TUBA1C: variants seen among roughly 807,000 people sequenced by gnomAD.
The protein encoded by TUBA1C is tubulin alpha-1C chain.
TUBA1C carries 16 observed loss-of-function variants against 34.9 expected under a neutral mutation model. That is an observed-to-expected ratio of 0.46 (90% CI 0.31 to 0.70). TUBA1C has a LOEUF of 0.70. TUBA1C is among the 30% of genes least tolerant of loss of function. TUBA1C has a pLI of 0.05. For missense variants in TUBA1C, 329 were observed against 587.3 expected (o/e 0.56, Z 4.55); for synonymous variants, 177 against 215.9 (o/e 0.82, Z 1.58).
At chr12:49,270,933 C>T (rs1440659436) in intron 3 of TUBA1C, among the ~76,000 whole-genome samples, 6 of 152,084 alleles carry the variant, frequency 3.9e-5, no homozygotes, top group Admixed American at 2.6e-4. Flanking sequence ...GAGCCGAGAT[C>T]GTGCCACTGC....
intron 1 of TUBA1C, among the ~76,000 whole-genome samples, chr12:49,255,395 A>G (rs1942772460): frequency 7.0e-6 from 1 of 143,808 alleles, no homozygotes; most frequent in Non-Finnish European, 1.5e-5. Flanking sequence ...AGCTGAACTT[A>G]TCTTTAAAAA....
At chr12:49,237,312 G>A (rs563836211) in intron 1 of TUBA1C, among the ~76,000 whole-genome samples, 3 of 152,040 alleles carry the variant, frequency 2.0e-5, no homozygotes, top group Admixed American at 6.6e-5. Flanking sequence ...CCAGCTACTC[G>A]GGAGGCTGAG....
At chr12:49,246,879 C>T (rs1316965005) in intron 1 of TUBA1C, among the ~76,000 whole-genome samples, 2 of 152,092 alleles carry the variant, frequency 1.3e-5, no homozygotes, top group African/African-American at 2.4e-5. Context: ...CACAGTGGCT[C>T]ACAGTGACCC....
At chr12:49,252,396 T>G (rs1942739865) in intron 1 of TUBA1C, among the ~76,000 whole-genome samples, 2 of 152,216 alleles carry the variant, frequency 1.3e-5, no homozygotes, top group Non-Finnish European at 2.9e-5. Context: ...GTCATAATCT[T>G]AACTTTTTCA....
chr12:49,261,133 G>A (rs1342187401), upstream of TUBA1C, among the ~76,000 whole-genome samples: 2 of 152,056 alleles, frequency 1.3e-5, no homozygotes, highest in South Asian at 2.1e-4. Context: ...CAGATCACCT[G>A]AGGTCAGGAG....
chr12:49,251,108 G>A (rs140738989), intron 1 of TUBA1C, among the ~76,000 whole-genome samples: 24 of 152,278 alleles, frequency 1.6e-4, no homozygotes, highest in African/African-American at 4.3e-4. Flanking sequence ...TTGGGAGGCT[G>A]AGGTGGGACA....
At position 49,272,445 on chromosome 12, in the gene TUBA1C, A is replaced by G; in HGVS notation, c.568A>G (p.Thr190Ala). Reference sequence around the variant, plus strand: ...AGTTGAGCCCTACAACTCCATCCTCACCACCCACACCACCCTGGAGCACTC... The same window carrying G: ...AGTTGAGCCCTACAACTCCATCCTCGCCACCCACACCACCCTGGAGCACTC... ...AVVEPYNSILTTHTTLEHSDC... is the reference protein window; with the variant it reads ...AVVEPYNSILATHTTLEHSDC... Residue 190 changes from threonine to alanine, a missense_variant, in exon 4 of 4, where the codon ACC (threonine) becomes GCC (alanine). This residue lies in a region of TUBA1C where 3 missense variants were observed against 25.5 expected (regional missense o/e 0.12). Transcript: ENST00000301072. 1 of 1,612,782 alleles carries G rather than the reference A, an allele frequency of 6.2e-7. No homozygotes were observed. The highest frequency in any genetic ancestry group is 1.1e-5 in the South Asian group (1 of 90,988).
chr12:49,243,801 T>C (rs1249304468), intron 1 of TUBA1C, among the ~76,000 whole-genome samples: 1 of 151,778 alleles, frequency 6.6e-6, no homozygotes, highest in Non-Finnish European at 1.5e-5. Context: ...AAGGAAAGGG[T>C]ACATTTGGTG....
At chr12:49,251,331 A>G (rs1237495963) in intron 1 of TUBA1C, among the ~76,000 whole-genome samples, 7 of 152,248 alleles carry the variant, frequency 4.6e-5, no homozygotes, top group South Asian at 2.1e-4. Flanking sequence ...TATTTCAGAA[A>G]TTAGAGGAGG....
At chr12:49,229,816 G>A (rs1942477409) in intron 1 of TUBA1C, among the ~76,000 whole-genome samples, 1 of 150,590 alleles carries the variant, frequency 6.6e-6, no homozygotes, top group African/African-American at 2.4e-5. Flanking sequence ...TTTTTGAGAT[G>A]GAGTCTTGCT....
intron 1 of TUBA1C, among the ~76,000 whole-genome samples, chr12:49,255,654 G>C (rs1250578619): frequency 1.3e-5 from 2 of 152,038 alleles, no homozygotes; most frequent in Non-Finnish European, 2.9e-5. Context: ...CACCTCCCAG[G>C]TTCAAGCGAT....
chr12:49,229,480 TA>T (rs1942472762), intron 1 of TUBA1C, among the ~76,000 whole-genome samples: 1 of 152,152 alleles, frequency 6.6e-6, no homozygotes, highest in African/African-American at 2.4e-5. Context: ...GTCTATTTTT[TA>T]ACAGCATCAC....
Position 49,269,560 on chromosome 12 carries a change from T to C in TUBA1C, c.99T>C (p.Asp33=). ...GCCTGGAACACGGCATCCAGCCCGA[T>C]GGCCAGATGCCAAGTGACAAGACCA... ...LYCLEHGIQP[D]GQMPSDKTIG... is the part of the protein sequence containing the mutation. The change falls in exon 2 of 4, where the codon GAT becomes GAC. Residue 33 remains aspartate (D), a synonymous_variant. Coordinates refer to ENST00000301072, the MANE Select transcript of TUBA1C (RefSeq NM_032704.5). 3 of 1,614,240 alleles carry C rather than the reference T, an allele frequency of 1.9e-6. No homozygotes were observed. Among genetic ancestry groups the C allele is most frequent in the Non-Finnish European group, 2.5e-6 (3 of 1,180,040 alleles).
chr12:49,238,189 C>T (rs762486273), intron 1 of TUBA1C, among the ~76,000 whole-genome samples: 2 of 151,920 alleles, frequency 1.3e-5, no homozygotes, highest in African/African-American at 2.4e-5. Flanking sequence ...TATTGGGTAT[C>T]GAACTGTGAC....
intron 1 of TUBA1C, among the ~76,000 whole-genome samples, chr12:49,246,956 A>G (rs1007863567): frequency 6.6e-6 from 1 of 151,680 alleles, no homozygotes; most frequent in African/African-American, 2.4e-5. Flanking sequence ...CCTGACCAAT[A>G]TGGTGAAACT....
At chr12:49,241,661 C>G (rs936682891) in intron 1 of TUBA1C, among the ~76,000 whole-genome samples, 1 of 135,478 alleles carries the variant, frequency 7.4e-6, no homozygotes, top group Admixed American at 7.6e-5. Context: ...TTCCTTCCTT[C>G]CTTCCTTTTT....
intron 1 of TUBA1C, among the ~76,000 whole-genome samples, chr12:49,235,529 G>A (rs1942545094): frequency 6.6e-6 from 1 of 152,082 alleles, no homozygotes; most frequent in Non-Finnish European, 1.5e-5. Flanking sequence ...GAGGTCAGGA[G>A]TTTGAGACCA....
intron 1 of TUBA1C, among the ~76,000 whole-genome samples, chr12:49,266,261 TAAAAA>T (rs35928737): frequency 1.3e-5 from 1 of 79,494 alleles, no homozygotes; most frequent in Non-Finnish European, 2.7e-5. Context: ...CCGTCTCTAC[TAAAAA>T]AAAAAAAAAA....
rs1943031247 is a variant in TUBA1C, at chr12:49,274,137, T to C, written c.*910T>C. 1 of 152,066 alleles carries C rather than the reference T, an allele frequency of 6.6e-6. No homozygotes were observed. The highest frequency in any genetic ancestry group is 1.5e-5 in the Non-Finnish European group (1 of 68,070). The allele number at this position is 152,066 out of a possible 1,614,324, so 9.4% of individuals were successfully genotyped here. A position where few individuals can be genotyped will look rare whatever the true frequency, so the allele number is the denominator to read the frequency against. The stretch of plus-strand genomic sequence containing the variant: ...TCAGACACGTCTTAAATTTTTTTTC[T>C]TTGAGATGGTCTCTTTCCCAGGCTG... On this transcript the variant is annotated 3_prime_UTR_variant, in exon 4 of 4. Coordinates refer to ENST00000301072, the MANE Select transcript of TUBA1C (RefSeq NM_032704.5).
Sources: gnomAD v4.1 joint callset for allele counts (sites outside exome capture counted in the v4.1 genomes callset) on GRCh38, gnomAD v4.1.1 for gene constraint, gnomAD v4.1.1 regional missense constraint, MANE v1.5 for transcripts, NCBI Gene and HGNC (gene_info 2026-07-23, HGNC 2026-07-21) for gene names.